SLC8A2: variants seen among roughly 807,000 people sequenced by gnomAD.
The protein encoded by SLC8A2 is sodium/calcium exchanger 2.
In SLC8A2, 14 loss-of-function variants were observed where a neutral mutation model predicts 70.2. The observed-to-expected ratio is 0.20, with a 90% CI of 0.13 to 0.31. The LOEUF (loss-of-function observed/expected upper bound fraction) is 0.31. Ranked by LOEUF, SLC8A2 falls within the 10% of genes least tolerant of loss-of-function variation. SLC8A2 has a pLI of 1.00. For missense variants in SLC8A2, 779 were observed against 1,320.1 expected (o/e 0.59, Z 6.35); for synonymous variants, 575 against 594.3 (o/e 0.97, Z 0.47).
At chr19:47,437,607 C>A (rs1568440344) in intron 7 of SLC8A2, 46 bp from the exon 8 acceptor site, 1 of 1,472,040 alleles carries the variant, frequency 6.8e-7, no homozygotes, top group Non-Finnish European at 9.5e-7. Context: ...CTGAGCGAAC[C>A]AGGGAAGCTC....
chr19:47,459,032 C>G (rs1320328738), intron 2 of SLC8A2, among the ~76,000 whole-genome samples: 1 of 150,620 alleles, frequency 6.6e-6, no homozygotes, highest in Non-Finnish European at 1.5e-5. Context: ...CCGTTCCTCT[C>G]CATCTCTGTC....
chr19:47,433,836 A>G (rs755987031), intron 8 of SLC8A2, among the ~76,000 whole-genome samples: 1 of 151,942 alleles, frequency 6.6e-6, no homozygotes, highest in Non-Finnish European at 1.5e-5. Context: ...TAGAGATGGG[A>G]TTTCGCCATG....
rs926584121 is a variant in SLC8A2 at position 47,466,662 on chromosome 19, T to C, written c.-16-243A>G. Among the ~76,000 whole-genome samples, 4 of 152,132 alleles carry C rather than the reference T, an allele frequency of 2.6e-5. No individual in the cohort carries two copies. Among genetic ancestry groups the C allele is most frequent in the African/African-American group, 7.2e-5 (3 of 41,416 alleles). On this transcript the variant is annotated intron_variant, in intron 1 of 9. Coordinates refer to ENST00000236877, the MANE Select transcript of SLC8A2 (RefSeq NM_015063.3). This position sits in a 1 kb window ranked among gnomAD's most constrained non-coding sequence, Gnocchi z 6.9. ...GCTGGTGGGAATGCAAATTGGTCTA[T>C]GCACTTTGGGCAACTACAGCCGAAC...
chr19:47,469,352 G>A (rs2122657396), intron 1 of SLC8A2, among the ~76,000 whole-genome samples: 1 of 152,228 alleles, frequency 6.6e-6, no homozygotes, highest in East Asian at 1.9e-4. Context: ...AGGAGAAACA[G>A]GGGCCAGCCG....
intron 2 of SLC8A2, among the ~76,000 whole-genome samples, chr19:47,460,492 G>A (rs1425115482): frequency 6.6e-6 from 1 of 152,062 alleles, no homozygotes; most frequent in African/African-American, 2.4e-5. Flanking sequence ...GAGGCCAGGA[G>A]TTCGAGACCA....
rs1599841452 is a variant in SLC8A2 at position 47,429,673 on chromosome 19, T to G, written c.*416A>C. ...GGGTGGGTTCTGAGGCTCTGGGACA[T>G]GGGGTGAAGTGGGGGGGGGGTCACT... On this transcript the variant is annotated 3_prime_UTR_variant, in exon 10 of 10. Coordinates refer to ENST00000236877, the MANE Select transcript of SLC8A2 (RefSeq NM_015063.3). 53 of 66,510 alleles carry G rather than the reference T, an allele frequency of 8.0e-4. No homozygotes were observed. Among genetic ancestry groups the G allele is most frequent in the East Asian group, 1.4e-3 (3 of 2,096 alleles). The allele number at this position is 66,510 out of a possible 1,614,324, so 4.1% of individuals were successfully genotyped here.
At position 47,457,087 on chromosome 19, in the gene SLC8A2, G is replaced by C; in HGVS notation, c.1183C>G (p.Arg395Gly). 1 of 1,571,954 alleles carries C rather than the reference G, an allele frequency of 6.4e-7. No homozygotes were observed. Among genetic ancestry groups the C allele is most frequent in the Non-Finnish European group, 8.6e-7 (1 of 1,159,386 alleles). ...TAGAGGCTAGGCTCGAAGAAGATGC[G>C]GCTGGCGCCGTCGTCTTCGTCCTCG... ...AGEDEDDGAS[R>G]IFFEPSLYHC... Residue 395 changes from arginine (R) to glycine (G), a missense_variant, in exon 3 of 10, where the codon CGC (arginine) becomes GGC (glycine). Arg to Gly is a moderately radical substitution (Grantham distance 125). Around this residue, in one of 6 missense-constraint regions of SLC8A2, gnomAD observed 186 missense variants for 246.6 expected, o/e 0.75. Coordinates refer to ENST00000236877, the MANE Select transcript of SLC8A2 (RefSeq NM_015063.3).
At chr19:47,438,610 A>G (rs1967061092) in intron 6 of SLC8A2, among the ~76,000 whole-genome samples, 1 of 152,084 alleles carries the variant, frequency 6.6e-6, no homozygotes, top group African/African-American at 2.4e-5. Context: ...CAAGCCCAGC[A>G]GCAGCCCAAC....
Position 47,448,278 on chromosome 19 carries a change from C to G in SLC8A2, c.1341-47G>C. 6.8e-7 allele frequency: 1 copy of G among 1,476,574 alleles called. No individual in the cohort carries two copies. 91.5% of individuals were successfully genotyped at this position (1,476,574 alleles called of 1,614,324 possible). The stretch of plus-strand genomic sequence containing the variant: ...GAAGAGCGGGGTGAGGGTCGGTCAT[C>G]GGCTGTGTGTTGTACGGGGGGAGTC... On this transcript the variant is annotated intron_variant, in intron 3 of 9. Transcript: ENST00000236877. The surrounding 1 kb of genome is among the most constrained non-coding windows in gnomAD (Gnocchi z 4.8).
chr19:47,466,143 G>A lies in SLC8A2; in HGVS notation c.261C>T (p.Ser87=). ...VAMVYMFLGV[S]IIADRFMAAI... ...CCGCCATGAAACGGTCGGCGATGAT[G>A]GACACTCCCAGAAACATGTAGACCA... The change falls in exon 2 of 10, where the codon TCC becomes TCT. Residue 87 remains serine (S), a synonymous_variant. Transcript: ENST00000236877. The surrounding 1 kb of genome is among the most constrained non-coding windows in gnomAD (Gnocchi z 6.9). 2 of 1,614,198 alleles carry A rather than the reference G, an allele frequency of 1.2e-6. No individual in the cohort carries two copies. Among genetic ancestry groups the A allele is most frequent in the Admixed American group, 3.3e-5 (2 of 60,030 alleles).
At chr19:47,438,482 G>A (rs1967059375) in intron 6 of SLC8A2, among the ~76,000 whole-genome samples, 1 of 152,066 alleles carries the variant, frequency 6.6e-6, no homozygotes, top group Non-Finnish European at 1.5e-5. Context: ...CTAGAGTGTG[G>A]CTGACATGGT....
chr19:47,453,464 T>G (rs996242150), intron 3 of SLC8A2, among the ~76,000 whole-genome samples: 5 of 152,196 alleles, frequency 3.3e-5, no homozygotes, highest in African/African-American at 1.2e-4. Flanking sequence ...TTCCTCCCAG[T>G]CTTTGGCCTA....
chr19:47,460,592 G>A (rs1157875147), intron 2 of SLC8A2, among the ~76,000 whole-genome samples: 1 of 152,018 alleles, frequency 6.6e-6, no homozygotes, highest in Non-Finnish European at 1.5e-5. Context: ...AGTTACTCGG[G>A]AGGCTGAGGC....
chr19:47,430,293 C>T lies in SLC8A2; in HGVS notation c.2562G>A (p.Thr854=). 6.2e-7 allele frequency: 1 copy of T among 1,612,410 alleles called. No individual in the cohort carries two copies. The highest frequency in any genetic ancestry group is 8.5e-7 in the Non-Finnish European group (1 of 1,179,278). The change falls in exon 10 of 10, where the codon ACG becomes ACA. Residue 854 remains threonine, a synonymous_variant. Coordinates refer to ENST00000236877, the MANE Select transcript of SLC8A2 (RefSeq NM_015063.3). The surrounding 1 kb of genome is among the most constrained non-coding windows in gnomAD (Gnocchi z 5.9). ...QGRPFEVRTG[T]LAFSVTLFTV... is the part of the protein sequence containing the mutation. ...TGAAGAGCGTGACGGAGAAGGCCAG[C>T]GTGCCAGTGCGCACCTCGAAGGGGC...
chr19:47,434,795 C>T (rs919357626), intron 8 of SLC8A2, among the ~76,000 whole-genome samples: 3 of 152,154 alleles, frequency 2.0e-5, no homozygotes, highest in Non-Finnish European at 4.4e-5. Flanking sequence ...AGCAAAGAAC[C>T]AAAAGGCACG....
rs192514518 is a variant in SLC8A2, at chr19:47,448,526, G to C, written c.1341-295C>G. On this transcript the variant is annotated intron_variant, in intron 3 of 9. Transcript: ENST00000236877. The surrounding 1 kb of genome is among the most constrained non-coding windows in gnomAD (Gnocchi z 4.8). ...AATGATAAGGTTGAGATCAGGGCAG[G>C]CTTCCTGGAGGAGGCATTAGCAGGT... Among the ~76,000 whole-genome samples, 1 of 152,296 alleles carries C rather than the reference G, an allele frequency of 6.6e-6. No homozygotes were observed. The highest frequency in any genetic ancestry group is 2.4e-5 in the African/African-American group (1 of 41,578).
chr19:47,459,559 C>A (rs1245202132), intron 2 of SLC8A2, among the ~76,000 whole-genome samples: 1 of 151,414 alleles, frequency 6.6e-6, no homozygotes, highest in Non-Finnish European at 1.5e-5. Flanking sequence ...AGCGTATGTG[C>A]ATGTGTATAT....
Position 47,466,297 on chromosome 19 carries a change from C to T in SLC8A2, c.107G>A (p.Ser36Asn), listed in dbSNP as rs1967459195. The T allele has an allele frequency of 5.3e-6, 8 of 1,516,726 alleles. No individual in the cohort carries two copies. The highest frequency in any genetic ancestry group is 7.1e-6 in the Non-Finnish European group (8 of 1,128,756). The allele number at this position is 1,516,726 out of a possible 1,614,324, so 94.0% of individuals were successfully genotyped here. Residue 36 changes from serine to asparagine, a missense_variant, in exon 2 of 10, where the codon AGC (serine) becomes AAC (asparagine). By Grantham distance (46) the Ser-to-Asn change is conservative. This residue lies in a region of SLC8A2 where 65 missense variants were observed against 61.3 expected (regional missense o/e 1.06). Coordinates refer to ENST00000236877, the MANE Select transcript of SLC8A2 (RefSeq NM_015063.3). This position sits in a 1 kb window ranked among gnomAD's most constrained non-coding sequence, Gnocchi z 6.9. ...PSLPPPPAND[S>N]DTSTGGCQGS... ...CTGGCAGCCCCCTGTGCTGGTGTCGCTGTCATTGGCCGGGGGAGGCGGCAG... is the reference window on the plus strand; with the variant it reads ...CTGGCAGCCCCCTGTGCTGGTGTCGTTGTCATTGGCCGGGGGAGGCGGCAG...
At chr19:47,437,274 T>C (rs998113206) in intron 8 of SLC8A2, among the ~76,000 whole-genome samples, 188 bp downstream of exon 8, 1 of 151,944 alleles carries the variant, frequency 6.6e-6, no homozygotes, top group Non-Finnish European at 1.5e-5. Flanking sequence ...CATGGCTCAT[T>C]GCAGCCTCAA....
Sources: gnomAD v4.1 joint callset for allele counts (sites outside exome capture counted in the v4.1 genomes callset) on GRCh38, gnomAD v4.1.1 for gene constraint, gnomAD v4.1.1 regional missense constraint, Gnocchi (gnomAD v3.1) non-coding constraint, MANE v1.5 for transcripts, NCBI Gene and HGNC (gene_info 2026-07-23, HGNC 2026-07-21) for gene names.